The following GDPGP1 variants were observed in gnomAD, a reference collection of about 807,000 sequenced individuals.
GDPGP1 encodes GDP-D-glucose phosphorylase C15orf58.
In GDPGP1, 18 loss-of-function variants were observed where a neutral mutation model predicts 19.2. The observed-to-expected ratio is 0.94, with a 90% confidence interval of 0.65 to 1.39. The LOEUF is 1.39. Among genes scored for constraint, GDPGP1 ranks in the 40% most tolerant of loss-of-function variants. The pLI is 0.00. For synonymous variants in GDPGP1, 219 were observed against 208.9 expected (o/e 1.05, Z -0.42); for missense variants, 449 against 490.5 (o/e 0.92, Z 0.80).
chr15:90,243,640 G>GTTTTTTTTT lies in GDPGP1; in HGVS notation c.*1596_*1604dup. ...AAGATGCCACCACACCTTGGTGCAG[G>GTTTTTTTTT]TTTTTTTTTTTTTTTTTTTTTTTTT... On this transcript the variant is annotated 3_prime_UTR_variant, in exon 4 of 4. Transcript: ENST00000329600. 1.0e-5 allele frequency: 1 copy of GTTTTTTTTT among 99,408 alleles called. No individual in the cohort carries two copies. The highest frequency in any genetic ancestry group is 2.0e-5 in the Non-Finnish European group (1 of 49,030). 6.2% of individuals were successfully genotyped at this position (99,408 alleles called of 1,614,324 possible). A position where few individuals can be genotyped will look rare whatever the true frequency, so the allele number is the denominator to read the frequency against.
chr15:90,237,798 A>G (rs1962667380), intron 2 of GDPGP1, among the ~76,000 whole-genome samples: 1 of 152,098 alleles, frequency 6.6e-6, no homozygotes, highest in Admixed American at 6.6e-5. Flanking sequence ...AGAATAAGAT[A>G]CTACATTAGT....
At chr15:90,238,750 T>C (rs1335593458) in intron 3 of GDPGP1, among the ~76,000 whole-genome samples, 4 of 152,190 alleles carry the variant, frequency 2.6e-5, no homozygotes. Context: ...GGAATCACTA[T>C]GGAACATGGA....
rs138676231 is a variant in GDPGP1 at position 90,238,156 on chromosome 15, C to T, written c.-66-336C>T. Among the ~76,000 whole-genome samples, 165 of 152,150 alleles carry T rather than the reference C, an allele frequency of 1.1e-3. 2 individuals carry two copies. Among genetic ancestry groups the T allele is most frequent in the African/African-American group, 3.7e-3 (152 of 41,526 alleles). Reference sequence around the variant, plus strand: ...CTTTCCTAAAAATACAAACATTAGCCGGGCGTGGTGACACACACCTGTAGT... The same window carrying T: ...CTTTCCTAAAAATACAAACATTAGCTGGGCGTGGTGACACACACCTGTAGT... On this transcript the variant is annotated intron_variant, in intron 2 of 3. Coordinates refer to ENST00000329600, the MANE Select transcript of GDPGP1 (RefSeq NM_001013657.3).
rs147221532 is a variant in GDPGP1, at chr15:90,241,326, C to T, written c.418C>T (p.Arg140Trp). 3.8e-5 allele frequency: 61 copies of T among 1,614,192 alleles called. No homozygotes were observed. In the African/African-American group the frequency reaches 4.3e-4, roughly 11 times the overall value. Residue 140 changes from arginine (R) to tryptophan (W), a missense_variant, in exon 4 of 4, where the codon CGG becomes TGG. By Grantham distance (101) the Arg-to-Trp change is moderately radical. Coordinates refer to ENST00000329600, the MANE Select transcript of GDPGP1 (RefSeq NM_001013657.3). ...RPGEVLFRLH[R>W]EPDLPGTLLQ... Reference sequence around the variant, plus strand: ...CGGAGAAGTCCTCTTCCGTTTGCACCGGGAGCCTGATCTCCCTGGGACTCT... The same window carrying T: ...CGGAGAAGTCCTCTTCCGTTTGCACTGGGAGCCTGATCTCCCTGGGACTCT...
chr15:90,238,236 G>A (rs998396022), intron 2 of GDPGP1, among the ~76,000 whole-genome samples: 6 of 152,170 alleles, frequency 3.9e-5, no homozygotes, highest in Admixed American at 3.9e-4. Context: ...GGTGGTGGAG[G>A]TTGCAGTGAG....
Position 90,241,534 on chromosome 15 carries a change from G to T in GDPGP1, c.626G>T (p.Gly209Val). 16 of 1,613,556 alleles carry T rather than the reference G, an allele frequency of 9.9e-6. No individual in the cohort carries two copies. Among genetic ancestry groups the T allele is most frequent in the Non-Finnish European group, 1.4e-5 (16 of 1,180,042 alleles). ...TTCCGTGTCGGCTTCAACAGCCTGG[G>T]AGGCTTGGCCTCGGTGAACCACCTC... ...PGFRVGFNSL[G>V]GLASVNHLHL... Residue 209 changes from glycine (G) to valine (V), a missense_variant, in exon 4 of 4, where the codon GGA becomes GTA. Transcript: ENST00000329600.
chr15:90,241,864 G>A lies in GDPGP1; in HGVS notation c.956G>A (p.Ser319Asn). ...VRVILWARKS[S>N]FGIKDGEAFN... Reference sequence around the variant, plus strand: ...GTAATTCTGTGGGCCCGGAAGTCCAGCTTTGGGATAAAGGACGGTGAAGCT... The same window carrying A: ...GTAATTCTGTGGGCCCGGAAGTCCAACTTTGGGATAAAGGACGGTGAAGCT... The change falls in exon 4 of 4, where the codon AGC (serine) becomes AAC (asparagine). Residue 319 changes from serine (S) to asparagine (N), a missense_variant. Ser to Asn is a conservative substitution (Grantham distance 46). Transcript: ENST00000329600. 1 of 1,614,214 alleles carries A rather than the reference G, an allele frequency of 6.2e-7. No homozygotes were observed. Among genetic ancestry groups the A allele is most frequent in the Non-Finnish European group, 8.5e-7 (1 of 1,180,038 alleles).
At chr15:90,235,629 A>T (rs1041156836) in intron 2 of GDPGP1, among the ~76,000 whole-genome samples, 1 of 151,468 alleles carries the variant, frequency 6.6e-6, no homozygotes, top group South Asian at 2.1e-4. Context: ...GTGCAGTGGC[A>T]TGATCTTGGC....
chr15:90,242,147 G>A lies in GDPGP1; in HGVS notation c.*81G>A. 1 of 1,200,726 alleles carries A rather than the reference G, an allele frequency of 8.3e-7. No individual in the cohort carries two copies. Among genetic ancestry groups the A allele is most frequent in the East Asian group, 2.5e-5 (1 of 40,228 alleles). The allele number at this position is 1,200,726 out of a possible 1,614,324, so 74.4% of individuals were successfully genotyped here. A position where few individuals can be genotyped will look rare whatever the true frequency, so the allele number is the denominator to read the frequency against. On this transcript the variant is annotated 3_prime_UTR_variant, in exon 4 of 4. Transcript: ENST00000329600. Reference sequence around the variant, plus strand: ...TCTGTCCCCAGGCTAGAGTGTAGTGGTATGATCCTGGCTCACTGTAGCCTC... The same window carrying A: ...TCTGTCCCCAGGCTAGAGTGTAGTGATATGATCCTGGCTCACTGTAGCCTC...
chr15:90,244,434 G>A lies in GDPGP1; in HGVS notation c.*2368G>A, dbSNP rs1338602538. ...CTCCAGACATTTCACACTGGTTCCAGAGGAACTAGTCAGTAGACACTATTC... is the reference window on the plus strand; with the variant it reads ...CTCCAGACATTTCACACTGGTTCCAAAGGAACTAGTCAGTAGACACTATTC... On this transcript the variant is annotated 3_prime_UTR_variant, in exon 4 of 4. Coordinates refer to ENST00000329600, the MANE Select transcript of GDPGP1 (RefSeq NM_001013657.3). 6.6e-6 allele frequency: 1 copy of A among 152,180 alleles called. No homozygotes were observed. Among genetic ancestry groups the A allele is most frequent in the East Asian group, 1.9e-4 (1 of 5,196 alleles). The allele number at this position is 152,180 out of a possible 1,614,324, so 9.4% of individuals were successfully genotyped here.
intron 2 of GDPGP1, among the ~76,000 whole-genome samples, chr15:90,237,918 T>A (rs1262874738): frequency 6.6e-6 from 1 of 152,080 alleles, no homozygotes; most frequent in Admixed American, 6.5e-5. Flanking sequence ...AGATACTACA[T>A]TTGATCATCA....
In GDPGP1 at chr15:90,243,974, C is replaced by G. The variant is rs1438831089; in HGVS notation, c.*1908C>G. Reference sequence around the variant, plus strand: ...TTTTTTTTTTCTTGAATCAGAGTTTCACTCTGTTGCCCAGGCTGGAGTGCA... The same window carrying G: ...TTTTTTTTTTCTTGAATCAGAGTTTGACTCTGTTGCCCAGGCTGGAGTGCA... On this transcript the variant is annotated 3_prime_UTR_variant, in exon 4 of 4. Transcript: ENST00000329600. 6.8e-6 allele frequency: 1 copy of G among 146,094 alleles called. No homozygotes were observed. Among genetic ancestry groups the G allele is most frequent in the Non-Finnish European group, 1.5e-5 (1 of 66,774 alleles). The allele number at this position is 146,094 out of a possible 1,614,324, so 9.0% of individuals were successfully genotyped here. A position where few individuals can be genotyped will look rare whatever the true frequency, so the allele number is the denominator to read the frequency against.
At position 90,243,880 on chromosome 15, in the gene GDPGP1, TC is replaced by T. The variant is rs1962817229; in HGVS notation, c.*1816del. ...TGGTCTCGAACTCCTGGCCTCAAGA[TC>T]CTCCCACCTCAGCCTCCCAAAGTGC... On this transcript the variant is annotated 3_prime_UTR_variant, in exon 4 of 4. Coordinates refer to ENST00000329600, the MANE Select transcript of GDPGP1 (RefSeq NM_001013657.3). The T allele has an allele frequency of 6.7e-6, 1 of 149,462 alleles. No individual in the cohort carries two copies. Among genetic ancestry groups the T allele is most frequent in the Non-Finnish European group, 1.5e-5 (1 of 67,478 alleles). 9.3% of individuals were successfully genotyped at this position (149,462 alleles called of 1,614,324 possible).
chr15:90,242,252 GCT>G lies in GDPGP1; in HGVS notation c.*187_*188del, dbSNP rs1962779994. The G allele has an allele frequency of 1.8e-5, 4 of 219,900 alleles. No individual in the cohort carries two copies. Among genetic ancestry groups the G allele is most frequent in the Non-Finnish European group, 2.9e-5 (4 of 136,290 alleles). The allele number at this position is 219,900 out of a possible 1,614,324, so 13.6% of individuals were successfully genotyped here. A position where few individuals can be genotyped will look rare whatever the true frequency, so the allele number is the denominator to read the frequency against. ...ATAGGCGTGCACCACCACACACCTGGCTTTTTTTTTTTTTTTTTTTTTTTTTA... is the reference window on the plus strand; with the variant it reads ...ATAGGCGTGCACCACCACACACCTGGTTTTTTTTTTTTTTTTTTTTTTTTA... On this transcript the variant is annotated 3_prime_UTR_variant, in exon 4 of 4. Coordinates refer to ENST00000329600, the MANE Select transcript of GDPGP1 (RefSeq NM_001013657.3).
In GDPGP1 at chr15:90,240,977, G is replaced by C; in HGVS notation, c.69G>C (p.Arg23Ser). The C allele has an allele frequency of 6.2e-7, 1 of 1,614,004 alleles. No individual in the cohort carries two copies. Among genetic ancestry groups the C allele is most frequent in the Non-Finnish European group, 8.5e-7 (1 of 1,179,938 alleles). Residue 23 changes from arginine to serine, a missense_variant, in exon 4 of 4, where the codon AGG becomes AGC. Physicochemically the swap from Arg to Ser is moderately radical, Grantham distance 110 (BLOSUM62 -1). Transcript: ENST00000329600. Reference sequence around the variant, plus strand: ...CTCCCAACAATGAGGACTGGGGCAGGCAAACCATTCCTGACTTTGTTTATG... The same window carrying C: ...CTCCCAACAATGAGGACTGGGGCAGCCAAACCATTCCTGACTTTGTTTATG... ...LLPPNNEDWG[R>S]QTIPDFVYGQ...
intron 2 of GDPGP1, among the ~76,000 whole-genome samples, chr15:90,234,924 G>A (rs536034382): frequency 2.5e-4 from 38 of 152,290 alleles, no homozygotes; most frequent in African/African-American, 8.4e-4. Context: ...GGAGGAGGAA[G>A]TGGAGGTTGT....
Position 90,236,894 on chromosome 15 carries a change from C to G in GDPGP1, c.-66-1598C>G, listed in dbSNP as rs185803260. The stretch of plus-strand genomic sequence containing the variant: ...TCGGTGAATCTGGTTAGCATATTGT[C>G]CCTCCTGTACCTGATCAACTCTTGG... On this transcript the variant is annotated intron_variant, in intron 2 of 3. Coordinates refer to ENST00000329600, the MANE Select transcript of GDPGP1 (RefSeq NM_001013657.3). Among the ~76,000 whole-genome samples, 9 of 152,248 alleles carry G rather than the reference C, an allele frequency of 5.9e-5. No individual in the cohort carries two copies. In the East Asian group the frequency reaches 1.4e-3, roughly 23 times the overall value.
intron 2 of GDPGP1, among the ~76,000 whole-genome samples, chr15:90,237,664 C>T (rs1567071551): frequency 6.6e-6 from 1 of 152,066 alleles, no homozygotes; most frequent in Non-Finnish European, 1.5e-5. Context: ...TGTTGGCCAT[C>T]TTTATATCTT....
chr15:90,235,017 A>G (rs2151637506), intron 2 of GDPGP1, among the ~76,000 whole-genome samples: 1 of 152,278 alleles, frequency 6.6e-6, no homozygotes, highest in East Asian at 1.9e-4. Flanking sequence ...TGAGTATGTT[A>G]GTCTCAGTTT....
Sources: allele counts gnomAD v4.1 joint callset (sites outside exome capture counted in the v4.1 genomes callset), GRCh38; gene constraint gnomAD v4.1.1; transcripts MANE v1.5; gene names NCBI Gene and HGNC (gene_info 2026-07-23, HGNC 2026-07-21).